KIF5B: variants seen among roughly 807,000 people sequenced by gnomAD.
The protein encoded by KIF5B is kinesin-1 heavy chain.
Under a neutral mutation model 132.8 loss-of-function variants are expected in KIF5B, and 49 were observed. That is an observed-to-expected ratio of 0.37 (90% confidence interval 0.29 to 0.47). KIF5B has a LOEUF of 0.47. Among genes scored for constraint, KIF5B ranks in the 20% least tolerant of loss-of-function variants. The probability of loss-of-function intolerance (pLI) is 1.00; values close to 1 mark genes in which losing one functional copy is unlikely to be tolerated. For missense variants in KIF5B, 780 were observed against 1,144.0 expected, an observed-to-expected ratio of 0.68 and a Z score of 4.59; for synonymous variants, 355 against 369.4, an observed-to-expected ratio of 0.96 and a Z score of 0.45.
At chr10:32,047,324 A>G (rs1361256350) in intron 2 of KIF5B, among the ~76,000 whole-genome samples, 1 of 151,692 alleles carries the variant, frequency 6.6e-6, no homozygotes, top group Non-Finnish European at 1.5e-5. Flanking sequence ...TAACTTAACC[A>G]CCTTAGATCC....
chr10:32,049,501 T>TA (rs1841660849), intron 1 of KIF5B, among the ~76,000 whole-genome samples: 2 of 152,106 alleles, frequency 1.3e-5, no homozygotes, highest in South Asian at 4.1e-4. Flanking sequence ...GGAGGATACT[T>TA]AAAGATCCTA....
Position 32,022,897 on chromosome 10 carries a change from A to AT in KIF5B, c.1864dup (p.Met622AsnfsTer5), listed in dbSNP as rs777526028. ...TGCTAACTCCTTTTCATTTTCTTCC[A>AT]TTTTTTTGTTGCTCTCAGTTTGTGT... On this transcript the variant is annotated frameshift_variant, in exon 16 of 26. Coordinates refer to ENST00000302418, the MANE Select transcript of KIF5B (RefSeq NM_004521.3). LOFTEE classifies it high-confidence loss of function. 2.5e-6 allele frequency: 4 copies of AT among 1,613,210 alleles called. No individual in the cohort carries two copies. The highest frequency in any genetic ancestry group is 1.7e-5 in the Admixed American group (1 of 59,978).
intron 3 of KIF5B, 99 bp downstream of exon 3, chr10:32,040,285 G>T: frequency 1.3e-6 from 1 of 761,932 alleles, no homozygotes; most frequent in Non-Finnish European, 2.4e-6. Context: ...AGGCAATAAA[G>T]AGTAAATTAA....
chr10:32,037,329 G>A lies in KIF5B; in HGVS notation c.636C>T (p.Val212=), dbSNP rs1331163598. ...SRSHSIFLIN[V]KQENTQTEQK... ...GTTCCGTTTGTGTGTTCTCTTGTTTGACATTAATAAGAAATATACTGTGAC... is the reference window on the plus strand; with the variant it reads ...GTTCCGTTTGTGTGTTCTCTTGTTTAACATTAATAAGAAATATACTGTGAC... The change falls in exon 8 of 26, where the codon GTC becomes GTT. Residue 212 remains valine, a synonymous_variant. Transcript: ENST00000302418. The A allele has an allele frequency of 6.2e-7, 1 of 1,612,898 alleles. No homozygotes were observed.
chr10:32,041,776 C>A (rs1311358938), intron 2 of KIF5B, among the ~76,000 whole-genome samples: 1 of 152,164 alleles, frequency 6.6e-6, no homozygotes, highest in Non-Finnish European at 1.5e-5. Context: ...GCACATGCCA[C>A]CAGGCCTGGC....
intron 2 of KIF5B, 132 bp from the exon 3 acceptor site, chr10:32,040,589 C>G: frequency 1.6e-6 from 1 of 607,022 alleles, no homozygotes; most frequent in Non-Finnish European, 2.9e-6. Context: ...AGGAAAATAT[C>G]AGATGTTTAT....
At chr10:32,016,699 C>A (rs1427098446) in intron 24 of KIF5B, among the ~76,000 whole-genome samples, 1 of 152,014 alleles carries the variant, frequency 6.6e-6, no homozygotes, top group Non-Finnish European at 1.5e-5. Flanking sequence ...CACCACCATG[C>A]CTGGCTAATT....
At chr10:32,052,949 A>C (rs561594376) in intron 1 of KIF5B, among the ~76,000 whole-genome samples, 1 of 152,368 alleles carries the variant, frequency 6.6e-6, no homozygotes, top group East Asian at 1.9e-4. Flanking sequence ...AAGTATTAAA[A>C]ACTCAAGTTA....
intron 1 of KIF5B, among the ~76,000 whole-genome samples, chr10:32,050,212 C>G (rs994661306): frequency 6.6e-5 from 10 of 152,156 alleles, no homozygotes; most frequent in African/African-American, 2.4e-4. Context: ...ACTTCAAAGT[C>G]TGAAATAAAA....
chr10:32,046,430 A>C (rs1015307201), intron 2 of KIF5B, among the ~76,000 whole-genome samples: 2 of 152,138 alleles, frequency 1.3e-5, no homozygotes, highest in African/African-American at 4.8e-5. Flanking sequence ...TCATTTTATG[A>C]AGATGTCAGT....
At chr10:32,037,659 C>G (rs1841478523) in intron 6 of KIF5B, 52 bp from the exon 7 acceptor site, 2 of 1,366,724 alleles carry the variant, frequency 1.5e-6, no homozygotes, top group Non-Finnish European at 2.1e-6. Flanking sequence ...ATGATGAAAC[C>G]CTTTCTCTAA....
Position 32,009,826 on chromosome 10 carries a change from T to G in KIF5B, c.*1711A>C, listed in dbSNP as rs936084722. ...GCTTGTTAACTATATTACTTATAAC[T>G]GGCTGCACCAACATTTCATCTCAAT... On this transcript the variant is annotated 3_prime_UTR_variant, in exon 26 of 26. Coordinates refer to ENST00000302418, the MANE Select transcript of KIF5B (RefSeq NM_004521.3). 5 of 152,182 alleles carry G rather than the reference T, an allele frequency of 3.3e-5. No homozygotes were observed. The highest frequency in any genetic ancestry group is 1.2e-4 in the African/African-American group (5 of 41,458). 9.4% of individuals were successfully genotyped at this position (152,182 alleles called of 1,614,324 possible).
At position 32,056,393 on chromosome 10, in the gene KIF5B, G is replaced by C. The variant is rs1319252607; in HGVS notation, c.-420C>G. ...GCCGTCCGCTGGCCGGCCGACTGCT[G>C]CCCGATCACTCCTGAGGCCGCCGTT... On this transcript the variant is annotated 5_prime_UTR_variant, in exon 1 of 26. Coordinates refer to ENST00000302418, the MANE Select transcript of KIF5B (RefSeq NM_004521.3). 4.5e-6 allele frequency: 1 copy of C among 222,616 alleles called. No homozygotes were observed. The highest frequency in any genetic ancestry group is 9.0e-6 in the Non-Finnish European group (1 of 110,974). 13.8% of individuals were successfully genotyped at this position (222,616 alleles called of 1,614,324 possible). A position where few individuals can be genotyped will look rare whatever the true frequency, so the allele number is the denominator to read the frequency against.
intron 16 of KIF5B, 148 bp from the exon 17 acceptor site, chr10:32,022,405 G>A (rs966553737): frequency 5.2e-6 from 3 of 575,790 alleles, no homozygotes; most frequent in African/African-American, 1.9e-5. Flanking sequence ...AAATGTTAAA[G>A]AATGTAATCA....
Position 32,010,032 on chromosome 10 carries a change from T to C in KIF5B, c.*1505A>G, listed in dbSNP as rs1841053938. On this transcript the variant is annotated 3_prime_UTR_variant, in exon 26 of 26. Coordinates refer to ENST00000302418, the MANE Select transcript of KIF5B (RefSeq NM_004521.3). The stretch of plus-strand genomic sequence containing the variant: ...CGGAAATAGAAAAATAAGCCAATTA[T>C]GATCTGAGTCTTCTGACTATGGCTC... 6.6e-6 allele frequency: 1 copy of C among 152,204 alleles called. No individual in the cohort carries two copies. Among genetic ancestry groups the C allele is most frequent in the Non-Finnish European group, 1.5e-5 (1 of 68,022 alleles). 9.4% of individuals were successfully genotyped at this position (152,204 alleles called of 1,614,324 possible).
chr10:32,013,758 T>C (rs1015322875), intron 25 of KIF5B, among the ~76,000 whole-genome samples: 2 of 152,238 alleles, frequency 1.3e-5, no homozygotes, highest in Non-Finnish European at 2.9e-5. Flanking sequence ...TATGAAGTAC[T>C]GTAAAACAAG....
chr10:32,025,489 C>A (rs1841323141), intron 15 of KIF5B, among the ~76,000 whole-genome samples: 1 of 152,220 alleles, frequency 6.6e-6, no homozygotes, highest in South Asian at 2.1e-4. Context: ...AATTCTCGTG[C>A]CTTAGCCTCC....
intron 2 of KIF5B, among the ~76,000 whole-genome samples, chr10:32,047,980 T>C (rs1265466971): frequency 1.3e-5 from 2 of 152,238 alleles, no homozygotes; most frequent in Non-Finnish European, 2.9e-5. Flanking sequence ...TAAGTTATAG[T>C]ATTAACTGGA....
At chr10:32,031,438 T>C (rs1438406584) in intron 13 of KIF5B, among the ~76,000 whole-genome samples, 159 bp from the exon 14 acceptor site, 1 of 152,188 alleles carries the variant, frequency 6.6e-6, no homozygotes, top group Non-Finnish European at 1.5e-5. Flanking sequence ...ATGTCAACTA[T>C]GTGCAGGCAC....
Sources: gnomAD v4.1 joint callset for allele counts (sites outside exome capture counted in the v4.1 genomes callset) on GRCh38, gnomAD v4.1.1 for gene constraint, MANE v1.5 for transcripts, NCBI Gene and HGNC (gene_info 2026-07-23, HGNC 2026-07-21) for gene names.